FANCA: variants seen among roughly 807,000 people sequenced by gnomAD.
The protein encoded by FANCA is Fanconi anemia group A protein.
Under a neutral mutation model 194.3 loss-of-function variants are expected in FANCA, and 236 were observed. That is an observed-to-expected ratio of 1.21 (90% confidence interval 1.09 to 1.35). The LOEUF (loss-of-function observed/expected upper bound fraction) is 1.35, where lower values mean the gene tolerates loss of function less well. Among genes scored for constraint, FANCA ranks in the 40% most tolerant of loss-of-function variants. The pLI, the probability that FANCA is intolerant of heterozygous loss-of-function variation, is 0.00. For missense variants in FANCA, 2,628 were observed against 1,813.9 expected (o/e 1.45, Z -8.15); for synonymous variants, 1,014 against 715.8 (o/e 1.42, Z -6.65).
At position 89,799,214 on chromosome 16, in the gene FANCA, G is replaced by A. The variant is rs759118308; in HGVS notation, c.845C>T (p.Ala282Val). 3 of 1,613,960 alleles carry A rather than the reference G, an allele frequency of 1.9e-6. No homozygotes were observed. The highest frequency in any genetic ancestry group is 2.7e-5 in the African/African-American group (2 of 74,904). ...GGAGGACTCCTCCTGTACTCCAGCA[G>A]CCAAAGCGTCAAGTGCAACTGAAGA... ...RMLIFALDAL[A>V]AGVQEESSTH... The change falls in exon 10 of 43, where the codon GCT (alanine) becomes GTT (valine). Residue 282 changes from alanine to valine, a missense_variant. By Grantham distance (64) the Ala-to-Val change is moderately conservative. Transcript: ENST00000389301.
chr16:89,769,526 G>A (rs1041019157), intron 26 of FANCA, among the ~76,000 whole-genome samples: 2 of 152,034 alleles, frequency 1.3e-5, no homozygotes, highest in Non-Finnish European at 2.9e-5. Context: ...GCCAGACAAG[G>A]GACCAAGACA....
At chr16:89,742,966 A>G (rs1211047726) in intron 36 of FANCA, 28 bp from the exon 37 acceptor site, 8 of 1,611,578 alleles carry the variant, frequency 5.0e-6, no homozygotes, top group Non-Finnish European at 6.8e-6. Flanking sequence ...GGGTCATTGC[A>G]GGGCCTTACA....
intron 39 of FANCA, 140 bp from the exon 40 acceptor site, chr16:89,739,693 G>A (rs2062076537): frequency 2.0e-6 from 3 of 1,509,586 alleles, no homozygotes; most frequent in South Asian, 2.4e-5. Flanking sequence ...CTGAGCTGAG[G>A]ATACCCAGGT....
intron 15 of FANCA, among the ~76,000 whole-genome samples, chr16:89,783,631 G>C (rs1459901530): frequency 2.0e-5 from 3 of 152,040 alleles, no homozygotes; most frequent in Non-Finnish European, 4.4e-5. Flanking sequence ...AATGTAGCTG[G>C]TCCTGCAAGT....
chr16:89,767,139 A>G lies in FANCA; in HGVS notation c.2601+2T>C. 2 of 1,605,790 alleles carry G rather than the reference A, an allele frequency of 1.2e-6. No individual in the cohort carries two copies. Among genetic ancestry groups the G allele is most frequent in the Non-Finnish European group, 1.7e-6 (2 of 1,172,490 alleles). The stretch of plus-strand genomic sequence containing the variant: ...GGAAAAATAGGAAAAGAGTGAACCT[A>G]CCTTTTTAATAAGGCCTGGAGATAA... On this transcript the variant is annotated splice_donor_variant, in intron 27 of 42. Transcript: ENST00000389301. LOFTEE classifies it high-confidence loss of function.
chr16:89,752,834 CA>C (rs1390991570), intron 30 of FANCA, among the ~76,000 whole-genome samples: 2 of 152,160 alleles, frequency 1.3e-5, no homozygotes. Context: ...CCAGCGGTAG[CA>C]AAAGGTGTCA....
chr16:89,738,933 C>G lies in FANCA; in HGVS notation c.4209G>C (p.Leu1403=). 6.2e-7 allele frequency: 1 copy of G among 1,614,264 alleles called. No individual in the cohort carries two copies. Among genetic ancestry groups the G allele is most frequent in the Non-Finnish European group, 8.5e-7 (1 of 1,180,054 alleles). ...VELITKARLF[L]LQLIPRCPKK... is the part of the protein sequence containing the mutation. Reference sequence around the variant, plus strand: ...TCGGGCACCGAGGTATTAACTGCAGCAGAAAAAGACGAGCTTTTGTTATCA... The same window carrying G: ...TCGGGCACCGAGGTATTAACTGCAGGAGAAAAAGACGAGCTTTTGTTATCA... The change falls in exon 42 of 43, where the codon CTG becomes CTC. Residue 1403 remains leucine (L), a synonymous_variant. Transcript: ENST00000389301.
intron 23 of FANCA, among the ~76,000 whole-genome samples, chr16:89,771,155 C>CAA (rs34471552): frequency 0.12 from 6,679 of 56,518 alleles, 314 homozygotes; most frequent in East Asian, 0.34. Flanking sequence ...AAGACTCAGT[C>CAA]AAAAAAAAAA....
chr16:89,816,270 C>A, intron 1 of FANCA: 1 of 285,852 alleles, frequency 3.5e-6, no homozygotes, highest in Non-Finnish European at 6.5e-6. Flanking sequence ...ACCCCAGGCC[C>A]GCCTGACAGG....
At chr16:89,761,032 C>T (rs2038932919) in intron 29 of FANCA, among the ~76,000 whole-genome samples, 1 of 152,154 alleles carries the variant, frequency 6.6e-6, no homozygotes, top group Non-Finnish European at 1.5e-5. Flanking sequence ...TGTTTATTCC[C>T]CTCTATACTC....
intron 10 of FANCA, among the ~76,000 whole-genome samples, chr16:89,796,381 G>A (rs1438461659): frequency 1.3e-5 from 2 of 152,138 alleles, no homozygotes; most frequent in Non-Finnish European, 2.9e-5. Context: ...GGCCTCAGCG[G>A]CACCCTCTGT....
chr16:89,753,948 G>A (rs1280808749), intron 30 of FANCA, among the ~76,000 whole-genome samples: 1 of 152,210 alleles, frequency 6.6e-6, no homozygotes, highest in Non-Finnish European at 1.5e-5. Flanking sequence ...CCACCTATTG[G>A]GAGGCTGAGG....
chr16:89,792,120 C>G lies in FANCA; in HGVS notation c.1084-52G>C, dbSNP rs550582303. The G allele has an allele frequency of 1.3e-5, 21 of 1,609,924 alleles. No homozygotes were observed. The South Asian group carries it at 2.2e-4, about 17-fold the overall frequency. On this transcript the variant is annotated intron_variant, in intron 12 of 42. Coordinates refer to ENST00000389301, the MANE Select transcript of FANCA (RefSeq NM_000135.4). The stretch of plus-strand genomic sequence containing the variant: ...AATATCCAAGCAAACCAATGTGCGA[C>G]AGATGACCCCTCACCTTCCTCCCAG...
In FANCA at chr16:89,743,883, A is replaced by T. The variant is rs2062188216; in HGVS notation, c.3627-945T>A. ...ATCTGATCTGTGTTTGTAGAATTAGAACTGGAGGTGTGACCTGCTTTCTCC... is the reference window on the plus strand; with the variant it reads ...ATCTGATCTGTGTTTGTAGAATTAGTACTGGAGGTGTGACCTGCTTTCTCC... On this transcript the variant is annotated intron_variant, in intron 36 of 42. Coordinates refer to ENST00000389301, the MANE Select transcript of FANCA (RefSeq NM_000135.4). 2.0e-5 allele frequency among the ~76,000 whole-genome samples: 3 copies of T among 151,694 alleles called. No homozygotes were observed. In the South Asian group the frequency reaches 6.2e-4, roughly 32 times the overall value.
intron 18 of FANCA, among the ~76,000 whole-genome samples, chr16:89,779,541 C>A (rs543750655): frequency 2.6e-5 from 4 of 152,156 alleles, no homozygotes; most frequent in African/African-American, 9.7e-5. Context: ...TGCTTCAGCA[C>A]GGGAGGGGCA....
At chr16:89,798,813 G>C (rs1375927149) in intron 10 of FANCA, 1 of 1,449,398 alleles carries the variant, frequency 6.9e-7, no homozygotes, top group Non-Finnish European at 9.0e-7. Flanking sequence ...CTGAGAGGCA[G>C]GGCCAGCTCT....
At chr16:89,745,094 C>T (rs1403105084) in intron 35 of FANCA, 23 bp from the exon 36 acceptor site, 6 of 1,570,140 alleles carry the variant, frequency 3.8e-6, no homozygotes, top group South Asian at 1.2e-5. Flanking sequence ...CACCAGCACA[C>T]AGATGAGGGT....
intron 8 of FANCA, 92 bp from the exon 9 acceptor site, chr16:89,799,730 T>G: frequency 1.7e-6 from 2 of 1,156,760 alleles, no homozygotes; most frequent in Non-Finnish European, 1.3e-6. Context: ...CTTGTTACTC[T>G]AAAGTAAAGA....
At chr16:89,743,009 T>C (rs2062173949) in intron 36 of FANCA, 71 bp from the exon 37 acceptor site, 1 of 1,556,934 alleles carries the variant, frequency 6.4e-7, no homozygotes, top group Admixed American at 1.8e-5. Context: ...ACCAAGTCCT[T>C]ATTCCCACCT....
Sources: gnomAD v4.1 joint callset for allele counts (sites outside exome capture counted in the v4.1 genomes callset) on GRCh38, gnomAD v4.1.1 for gene constraint, MANE v1.5 for transcripts, NCBI Gene and HGNC (gene_info 2026-07-23, HGNC 2026-07-21) for gene names.